CAMKMT: variants seen among roughly 807,000 people sequenced by gnomAD.
CAMKMT encodes CaM KMT.
A neutral mutation model predicts 48.0 loss-of-function variants in CAMKMT; 53 were observed. The ratio of observed to expected loss-of-function variants is 1.10; its 90% confidence interval spans 0.89 to 1.39. The LOEUF (loss-of-function observed/expected upper bound fraction) is 1.39. Among genes scored for constraint, CAMKMT ranks in the 40% most tolerant of loss-of-function variants. The pLI, the probability that CAMKMT is intolerant of heterozygous loss-of-function variation, is 0.00. For missense variants in CAMKMT, 428 were observed against 402.7 expected, an observed-to-expected ratio of 1.06 and a Z score of -0.54; for synonymous variants, 165 against 152.3, an observed-to-expected ratio of 1.08 and a Z score of -0.61.
chr2:44,626,692 C>T (rs1054750352), intron 3 of CAMKMT, among the ~76,000 whole-genome samples: 3 of 152,088 alleles, frequency 2.0e-5, no homozygotes, highest in African/African-American at 4.8e-5. Flanking sequence ...GAGCTTCACC[C>T]TCATGACTTA....
chr2:44,668,386 C>T (rs892480347), intron 3 of CAMKMT, among the ~76,000 whole-genome samples: 30 of 152,162 alleles, frequency 2.0e-4, no homozygotes, highest in African/African-American at 7.2e-4. Flanking sequence ...TATTTTGCTC[C>T]TAAAATTATT....
At chr2:44,546,216 C>CACACACACACA (rs1667396440) in intron 3 of CAMKMT, among the ~76,000 whole-genome samples, 1 of 149,134 alleles carries the variant, frequency 6.7e-6, no homozygotes, top group African/African-American at 2.5e-5. Flanking sequence ...CATGCACATA[C>CACACACACACA]CCCTATACCT....
At chr2:44,439,479 A>T (rs1417792022) in intron 3 of CAMKMT, among the ~76,000 whole-genome samples, 1 of 151,884 alleles carries the variant, frequency 6.6e-6, no homozygotes, top group East Asian at 1.9e-4. Context: ...TTATAGAAAA[A>T]CTTTTTGGTA....
intron 3 of CAMKMT, among the ~76,000 whole-genome samples, chr2:44,447,365 A>G (rs1338345507): frequency 6.6e-6 from 1 of 152,192 alleles, no homozygotes; most frequent in Non-Finnish European, 1.5e-5. Context: ...ATTTTGTATC[A>G]TACCCCTCCT....
intron 3 of CAMKMT, among the ~76,000 whole-genome samples, chr2:44,660,356 G>T (rs1674614063): frequency 6.6e-6 from 1 of 152,198 alleles, no homozygotes; most frequent in Non-Finnish European, 1.5e-5. Flanking sequence ...AGATCTCCTG[G>T]AAGTGTCAAG....
intron 2 of CAMKMT, among the ~76,000 whole-genome samples, chr2:44,386,694 A>G (rs1475120982): frequency 3.3e-5 from 5 of 152,068 alleles, no homozygotes; most frequent in Non-Finnish European, 5.9e-5. Context: ...GCTGTATCCC[A>G]TAGATTTTGA....
At chr2:44,381,264 T>G (rs1680215260) in intron 2 of CAMKMT, among the ~76,000 whole-genome samples, 1 of 152,206 alleles carries the variant, frequency 6.6e-6, no homozygotes, top group Non-Finnish European at 1.5e-5. Context: ...AACATGTACT[T>G]AACTTCTATT....
chr2:44,652,602 T>C (rs1674139904), intron 3 of CAMKMT, among the ~76,000 whole-genome samples: 1 of 152,098 alleles, frequency 6.6e-6, no homozygotes, highest in African/African-American at 2.4e-5. Flanking sequence ...TCACCACCAC[T>C]GCCTCCCCCT....
Position 44,421,154 on chromosome 2 carries a change from C to T in CAMKMT, c.376+30849C>T, listed in dbSNP as rs144004766. Among the ~76,000 whole-genome samples, 33 of 152,108 alleles carry T rather than the reference C, an allele frequency of 2.2e-4. No individual in the cohort carries two copies. The East Asian group carries it at 2.5e-3, about 12-fold the overall frequency. On this transcript the variant is annotated intron_variant, in intron 3 of 10. Transcript: ENST00000378494. ...AAAACCATGGAAAATAGAAAAAAAT[C>T]ATTAAGAGACTTGACTAATGTCTCC...
At chr2:44,410,586 T>A (rs759412570) in intron 3 of CAMKMT, among the ~76,000 whole-genome samples, 27 of 152,038 alleles carry the variant, frequency 1.8e-4, no homozygotes, top group Non-Finnish European at 4.0e-4. Flanking sequence ...TCCAAATCTA[T>A]TGAAAGCCCA....
At chr2:44,686,174 A>G (rs1156286681) in intron 3 of CAMKMT, among the ~76,000 whole-genome samples, 1 of 152,068 alleles carries the variant, frequency 6.6e-6, no homozygotes, top group East Asian at 1.9e-4. Flanking sequence ...TGGGCGGATC[A>G]TGAGGTCAGG....
chr2:44,625,287 A>G (rs1437835121), intron 3 of CAMKMT, among the ~76,000 whole-genome samples: 1 of 152,102 alleles, frequency 6.6e-6, no homozygotes, highest in Admixed American at 6.6e-5. Context: ...GACCATTTGT[A>G]TATATTTTTT....
chr2:44,558,316 G>A (rs765929153), intron 3 of CAMKMT, among the ~76,000 whole-genome samples: 1 of 152,076 alleles, frequency 6.6e-6, no homozygotes, highest in African/African-American at 2.4e-5. Flanking sequence ...GTAAGATTAC[G>A]AGAGTGAGCC....
intron 3 of CAMKMT, among the ~76,000 whole-genome samples, chr2:44,515,307 C>G (rs1670780244): frequency 6.6e-6 from 1 of 152,088 alleles, no homozygotes; most frequent in Non-Finnish European, 1.5e-5. Context: ...TTCAGTGGGA[C>G]TGGGAGGAGT....
chr2:44,381,066 A>G (rs558248172), intron 2 of CAMKMT, among the ~76,000 whole-genome samples: 1 of 152,262 alleles, frequency 6.6e-6, no homozygotes, highest in African/African-American at 2.4e-5. Flanking sequence ...AGGCTGAGGC[A>G]GGAGAATCGC....
chr2:44,610,985 A>T (rs1671565174), intron 3 of CAMKMT, among the ~76,000 whole-genome samples: 1 of 152,204 alleles, frequency 6.6e-6, no homozygotes, highest in African/African-American at 2.4e-5. Flanking sequence ...TGGGCAGAAT[A>T]AAGAGAAGTA....
chr2:44,506,597 G>A (rs113208233), intron 3 of CAMKMT, among the ~76,000 whole-genome samples: 10 of 152,048 alleles, frequency 6.6e-5, no homozygotes, highest in African/African-American at 1.4e-4. Flanking sequence ...AGAAATAAAC[G>A]CCATTTCTCA....
intron 3 of CAMKMT, among the ~76,000 whole-genome samples, chr2:44,496,771 A>G (rs1265338310): frequency 2.0e-5 from 3 of 152,226 alleles, no homozygotes; most frequent in Admixed American, 2.0e-4. Context: ...GTTTAAATGA[A>G]TAATGGTAAT....
chr2:44,516,872 G>A (rs1050965003), intron 3 of CAMKMT, among the ~76,000 whole-genome samples: 1 of 151,614 alleles, frequency 6.6e-6, no homozygotes, highest in African/African-American at 2.4e-5. Flanking sequence ...CTCCCGAGTA[G>A]CAGGGATTAC....
Sources: gnomAD v4.1 joint callset for allele counts (sites outside exome capture counted in the v4.1 genomes callset) on GRCh38, gnomAD v4.1.1 for gene constraint, MANE v1.5 for transcripts, NCBI Gene and HGNC (gene_info 2026-07-23, HGNC 2026-07-21) for gene names.